The following UBE2E3 variants were observed in gnomAD, a reference collection of about 807,000 sequenced individuals.
UBE2E3 encodes the protein ubiquitin-conjugating enzyme E2 E3.
In UBE2E3, 5 loss-of-function variants were observed where a neutral mutation model predicts 23.6. The observed-to-expected ratio is 0.21, with a 90% CI of 0.11 to 0.44. The LOEUF is 0.44. Ranked by LOEUF, UBE2E3 falls within the 20% of genes least tolerant of loss-of-function variation. The probability of loss-of-function intolerance (pLI) is 0.99; values close to 1 mark genes in which losing one functional copy is unlikely to be tolerated. For missense variants in UBE2E3, 81 were observed against 249.8 expected (o/e 0.32, Z 4.55); for synonymous variants, 78 against 87.5 (o/e 0.89, Z 0.60).
intron 3 of UBE2E3, among the ~76,000 whole-genome samples, chr2:181,046,125 G>A (rs1686667224): frequency 6.6e-6 from 1 of 152,158 alleles, no homozygotes; most frequent in Non-Finnish European, 1.5e-5. Flanking sequence ...TGTTAGAAGA[G>A]TGAATCAGTA....
intron 3 of UBE2E3, among the ~76,000 whole-genome samples, chr2:180,995,939 G>A (rs533031117): frequency 1.3e-5 from 2 of 152,076 alleles, no homozygotes; most frequent in Non-Finnish European, 2.9e-5. Flanking sequence ...ACATGGTAAA[G>A]GTAAGATATG....
Position 181,061,608 on chromosome 2 carries a change from G to A in UBE2E3, c.526+796G>A, listed in dbSNP as rs369490208. On this transcript the variant is annotated intron_variant, in intron 5 of 5. Transcript: ENST00000410062. The stretch of plus-strand genomic sequence containing the variant: ...AATGGATATTAAAATGATAGCCAAT[G>A]AGAATTGAACTAGATTATGATTATA... Among the ~76,000 whole-genome samples, 10 of 151,600 alleles carry A rather than the reference G, an allele frequency of 6.6e-5. 1 individual carries two copies. The highest frequency in any genetic ancestry group is 2.4e-4 in the African/African-American group (10 of 41,360).
intron 3 of UBE2E3, among the ~76,000 whole-genome samples, chr2:180,991,757 T>C (rs1422291705): frequency 1.3e-5 from 2 of 152,150 alleles, no homozygotes; most frequent in Non-Finnish European, 2.9e-5. Flanking sequence ...ACCAAAAGAT[T>C]GGACACTCCT....
chr2:181,018,370 GTATA>G (rs35440345), intron 3 of UBE2E3, among the ~76,000 whole-genome samples: 39 of 149,530 alleles, frequency 2.6e-4, no homozygotes, highest in Admixed American at 1.9e-3. Context: ...CTGTGTGTGT[GTATA>G]TATATATATA....
At chr2:181,060,860 G>GTT in intron 5 of UBE2E3, 48 bp downstream of exon 5, 1 of 327,146 alleles carries the variant, frequency 3.1e-6, no homozygotes. Context: ...AAAAACGAGT[G>GTT]CTTTTTTTTT....
At chr2:181,040,435 T>G (rs1054472399) in intron 3 of UBE2E3, among the ~76,000 whole-genome samples, 12 of 152,190 alleles carry the variant, frequency 7.9e-5, no homozygotes. Flanking sequence ...ATAGGAAAAT[T>G]TTTTTATAAA....
At chr2:180,997,268 A>T (rs2105585682) in intron 3 of UBE2E3, among the ~76,000 whole-genome samples, 1 of 148,276 alleles carries the variant, frequency 6.7e-6, no homozygotes, top group African/African-American at 2.5e-5. Flanking sequence ...TTTTCTGTCC[A>T]CTTTTGTGTC....
chr2:180,994,071 G>C (rs1452222758), intron 3 of UBE2E3, among the ~76,000 whole-genome samples: 1 of 152,082 alleles, frequency 6.6e-6, no homozygotes, highest in African/African-American at 2.4e-5. Context: ...TAACTAGTGT[G>C]CCTTTAATTT....
At chr2:181,012,750 T>C (rs1188278000) in intron 3 of UBE2E3, among the ~76,000 whole-genome samples, 1 of 152,198 alleles carries the variant, frequency 6.6e-6, no homozygotes, top group Non-Finnish European at 1.5e-5. Context: ...ATCTAGGTTT[T>C]GAATTATGGT....
intron 3 of UBE2E3, among the ~76,000 whole-genome samples, chr2:181,028,650 G>A (rs1027221731): frequency 6.6e-6 from 1 of 151,998 alleles, no homozygotes; most frequent in Non-Finnish European, 1.5e-5. Flanking sequence ...CTAATAATGA[G>A]GTTGAACAAT....
intron 3 of UBE2E3, among the ~76,000 whole-genome samples, chr2:181,030,944 G>A (rs568388011): frequency 2.0e-5 from 3 of 152,168 alleles, no homozygotes; most frequent in Middle Eastern, 3.4e-3. Flanking sequence ...TTTTGTGTTT[G>A]TGTTGTGTTT....
At chr2:181,036,077 CACAGCAG>C (rs1189156881) in intron 3 of UBE2E3, among the ~76,000 whole-genome samples, 2 of 152,168 alleles carry the variant, frequency 1.3e-5, no homozygotes, top group Non-Finnish European at 2.9e-5. Flanking sequence ...GGACTTGGCT[CACAGCAG>C]GCAACAGGCA....
At chr2:181,011,084 C>CTT (rs535488388) in intron 3 of UBE2E3, among the ~76,000 whole-genome samples, 1 of 144,766 alleles carries the variant, frequency 6.9e-6, no homozygotes. Context: ...AGGGTCTTGA[C>CTT]TTTTTTTTTT....
At chr2:181,009,007 ATAT>A (rs1009052162) in intron 3 of UBE2E3, among the ~76,000 whole-genome samples, 1 of 146,218 alleles carries the variant, frequency 6.8e-6, no homozygotes, top group African/African-American at 2.5e-5. Context: ...GATGCATTAA[ATAT>A]TATAGCAGTG....
chr2:181,025,402 T>TG (rs1227546839), intron 3 of UBE2E3, among the ~76,000 whole-genome samples: 9 of 41,360 alleles, frequency 2.2e-4, no homozygotes, highest in Non-Finnish European at 3.8e-4. Context: ...AGATATTATC[T>TG]ATTTTTTCCC....
intron 3 of UBE2E3, among the ~76,000 whole-genome samples, chr2:181,035,384 GTTCT>G (rs1426087499): frequency 1.3e-5 from 2 of 152,014 alleles, no homozygotes; most frequent in East Asian, 1.9e-4. Context: ...ATGTTACCAT[GTTCT>G]TTATTTTAAA....
chr2:180,991,211 C>G (rs1166626900), intron 3 of UBE2E3, among the ~76,000 whole-genome samples: 1 of 151,758 alleles, frequency 6.6e-6, no homozygotes, highest in East Asian at 1.9e-4. Context: ...AGTTATGGCC[C>G]TCTATAATAG....
rs1464526724 is a variant in UBE2E3, at chr2:181,061,389, C to A, written c.526+577C>A. 6.0e-4 allele frequency among the ~76,000 whole-genome samples: 5 copies of A among 8,286 alleles called. 2 individuals are homozygous for A. The highest frequency in any genetic ancestry group is 9.6e-4 in the Non-Finnish European group (5 of 5,194). 5.4% of individuals were successfully genotyped at this position (8,286 alleles called of 152,430 possible). ...CCACCCGCCTCGGCCTCCCAAAGTGCTGGGATTACAGGCGTGAGCCACCGC... is the reference window on the plus strand; with the variant it reads ...CCACCCGCCTCGGCCTCCCAAAGTGATGGGATTACAGGCGTGAGCCACCGC... On this transcript the variant is annotated intron_variant, in intron 5 of 5. Transcript: ENST00000410062.
intron 4 of UBE2E3, among the ~76,000 whole-genome samples, chr2:181,059,694 T>C (rs542825019): frequency 1.3e-5 from 2 of 151,730 alleles, no homozygotes; most frequent in South Asian, 4.1e-4. Context: ...GAGCTGTATA[T>C]GCACATGTAA....
Sources: allele counts gnomAD v4.1 joint callset (sites outside exome capture counted in the v4.1 genomes callset), GRCh38; gene constraint gnomAD v4.1.1; transcripts MANE v1.5; gene names NCBI Gene and HGNC (gene_info 2026-07-23, HGNC 2026-07-21).